Variants in PRKN observed in about 807,000 individuals in gnomAD.
The protein encoded by PRKN is E3 ubiquitin-protein ligase parkin.
A neutral mutation model predicts 59.5 loss-of-function variants in PRKN; 56 were observed. That is an observed-to-expected ratio of 0.94 (90% CI 0.76 to 1.18). PRKN has a LOEUF of 1.18. Ranked by LOEUF, PRKN falls within the 50% of genes most tolerant of loss-of-function variation. PRKN has a pLI of 0.00. For synonymous variants in PRKN, 250 were observed against 222.1 expected (o/e 1.13, Z -1.12); for missense variants, 657 against 596.4 (o/e 1.10, Z -1.06).
intron 7 of PRKN, among the ~76,000 whole-genome samples, chr6:161,781,857 A>G (rs559156158): frequency 1.3e-5 from 2 of 152,236 alleles, no homozygotes; most frequent in Non-Finnish European, 2.9e-5. Context: ...CATACAGCCA[A>G]CTACATAGAA....
At chr6:162,405,081 C>T (rs1008367326) in intron 2 of PRKN, among the ~76,000 whole-genome samples, 8 of 152,176 alleles carry the variant, frequency 5.3e-5, no homozygotes, top group Admixed American at 1.3e-4. Flanking sequence ...ATATGCCCCG[C>T]TCAGAGGTCA....
At chr6:162,628,650 C>A (rs1383255785) in intron 1 of PRKN, among the ~76,000 whole-genome samples, 1 of 151,754 alleles carries the variant, frequency 6.6e-6, no homozygotes, top group Non-Finnish European at 1.5e-5. Context: ...TGATTCTTGG[C>A]AGATAAGACA....
chr6:161,531,107 C>T (rs888553777), intron 9 of PRKN, among the ~76,000 whole-genome samples: 7 of 152,152 alleles, frequency 4.6e-5, no homozygotes, highest in East Asian at 3.9e-4. Context: ...CAAGGCCGGG[C>T]GCGGTGGCTC....
intron 1 of PRKN, among the ~76,000 whole-genome samples, chr6:162,448,245 A>G (rs1790416511): frequency 6.6e-6 from 1 of 152,080 alleles, no homozygotes; most frequent in South Asian, 2.1e-4. Flanking sequence ...CTTGCCTGGG[A>G]AGTTTCTTCT....
intron 2 of PRKN, among the ~76,000 whole-genome samples, chr6:162,272,194 A>G (rs1197947206): frequency 1.3e-5 from 2 of 152,192 alleles, no homozygotes; most frequent in African/African-American, 4.8e-5. Flanking sequence ...TGAAGAGCAG[A>G]GGACAGTGCT....
At chr6:162,138,331 A>C (rs911547931) in intron 4 of PRKN, among the ~76,000 whole-genome samples, 4 of 152,188 alleles carry the variant, frequency 2.6e-5, no homozygotes, top group Admixed American at 6.6e-5. Flanking sequence ...TGGTGGGGCT[A>C]AATTACCCAT....
At chr6:162,474,750 A>G (rs1791919181) in intron 1 of PRKN, among the ~76,000 whole-genome samples, 2 of 152,164 alleles carry the variant, frequency 1.3e-5, no homozygotes, top group Admixed American at 1.3e-4. Flanking sequence ...TCTGTAGATA[A>G]GAGACTCTGA....
At chr6:162,245,502 A>C (rs1231110872) in intron 3 of PRKN, among the ~76,000 whole-genome samples, 1 of 151,636 alleles carries the variant, frequency 6.6e-6, no homozygotes, top group African/African-American at 2.4e-5. Context: ...CTAATATAAT[A>C]TCTAATATAA....
intron 5 of PRKN, among the ~76,000 whole-genome samples, chr6:162,027,812 T>C (rs1300376361): frequency 6.6e-6 from 1 of 151,298 alleles, no homozygotes; most frequent in Non-Finnish European, 1.5e-5. Flanking sequence ...GCTTAATACA[T>C]GGTTGTGGAA....
rs1264760029 is a variant in PRKN at position 162,539,185 on chromosome 6, A to AT, written c.8-95713dup. 2.5e-3 allele frequency among the ~76,000 whole-genome samples: 384 copies of AT among 151,140 alleles called. 2 individuals are homozygous for AT. The highest frequency in any genetic ancestry group is 8.2e-3 in the African/African-American group (337 of 41,178). On this transcript the variant is annotated intron_variant, in intron 1 of 11. Transcript: ENST00000366898. ...ATATTGAGTGTTTCTCCATGTAAAC[A>AT]TTTTTTTTTTAATTAACGAGAATGA...
In PRKN at chr6:161,551,797, C is replaced by T. The variant is rs979047125; in HGVS notation, c.934-2794G>A. ...AGGATTTTCGAAAATGGAGAAATAA[C>T]GATATGATACTATGCTGAAGGCAGG... On this transcript the variant is annotated intron_variant, in intron 8 of 11. Transcript: ENST00000366898. This position sits in a 1 kb window ranked among gnomAD's most constrained non-coding sequence, Gnocchi z 5.2. Among the ~76,000 whole-genome samples the T allele has an allele frequency of 6.6e-6, 1 of 152,098 alleles. No homozygotes were observed. Among genetic ancestry groups the T allele is most frequent in the African/African-American group, 2.4e-5 (1 of 41,430 alleles).
chr6:162,544,095 T>C (rs1779027162), intron 1 of PRKN, among the ~76,000 whole-genome samples: 1 of 152,214 alleles, frequency 6.6e-6, no homozygotes, highest in Non-Finnish European at 1.5e-5. Flanking sequence ...GGTATGACTT[T>C]ATGAGGATCA....
At chr6:162,344,739 T>A (rs1472830398) in intron 2 of PRKN, among the ~76,000 whole-genome samples, 2 of 152,112 alleles carry the variant, frequency 1.3e-5, no homozygotes. Context: ...GTCACTGGCT[T>A]TCTATCCAGG....
chr6:162,437,962 A>G (rs1789859808), intron 2 of PRKN, among the ~76,000 whole-genome samples: 1 of 152,206 alleles, frequency 6.6e-6, no homozygotes, highest in Non-Finnish European at 1.5e-5. Context: ...TAACTCTGTC[A>G]TCTGGTAAAT....
intron 1 of PRKN, among the ~76,000 whole-genome samples, chr6:162,603,184 A>T: frequency 6.6e-6 from 1 of 152,146 alleles, no homozygotes; most frequent in East Asian, 1.9e-4. Flanking sequence ...CTCAGTTGTG[A>T]ATTATTAAGG....
chr6:161,445,071 A>G lies in PRKN; in HGVS notation c.1084-58194T>C, dbSNP rs1789422299. On this transcript the variant is annotated intron_variant, in intron 9 of 11. Transcript: ENST00000366898. This position sits in a 1 kb window ranked among gnomAD's most constrained non-coding sequence, Gnocchi z 7.7. ...GGATTCCAAGAGTAGACTGGGCTTC[A>G]GGGACCAGATGCCAGGGCTGGCACA... is the stretch of plus-strand genomic sequence containing the variant. Among the ~76,000 whole-genome samples, 1 of 152,066 alleles carries G rather than the reference A, an allele frequency of 6.6e-6. No homozygotes were observed. The highest frequency in any genetic ancestry group is 2.1e-4 in the South Asian group (1 of 4,818).
At position 161,409,112 on chromosome 6, in the gene PRKN, ATTTT is replaced by A. The variant is rs368178350; in HGVS notation, c.1084-22239_1084-22236del. Among the ~76,000 whole-genome samples the A allele has an allele frequency of 6.1e-4, 92 of 151,974 alleles. No individual in the cohort carries two copies. Among genetic ancestry groups the A allele is most frequent in the South Asian group, 3.7e-3 (18 of 4,806 alleles). ...AGGCTCCCATCACCATGCCCAGCTA[ATTTT>A]TGTACTTTTAGTAGAGATGGGGTTT... On this transcript the variant is annotated intron_variant, in intron 9 of 11. Transcript: ENST00000366898. This position sits in a 1 kb window ranked among gnomAD's most constrained non-coding sequence, Gnocchi z 4.6.
At chr6:161,810,717 A>G (rs1351451691) in intron 6 of PRKN, among the ~76,000 whole-genome samples, 1 of 152,220 alleles carries the variant, frequency 6.6e-6, no homozygotes, top group African/African-American at 2.4e-5. Context: ...ACTTCTTATT[A>G]GACAAGTAAT....
At chr6:162,602,519 T>C (rs2128217094) in intron 1 of PRKN, among the ~76,000 whole-genome samples, 2 of 152,292 alleles carry the variant, frequency 1.3e-5, no homozygotes, top group Middle Eastern at 3.4e-3. Context: ...AGCCCAAATG[T>C]GTGATTTGGA....
Sources: allele counts gnomAD v4.1 joint callset (sites outside exome capture counted in the v4.1 genomes callset), GRCh38; gene constraint gnomAD v4.1.1; non-coding constraint Gnocchi (gnomAD v3.1); transcripts MANE v1.5; gene names NCBI Gene and HGNC (gene_info 2026-07-23, HGNC 2026-07-21).